Variants in ARPC1B observed in about 807,000 individuals in gnomAD.
ARPC1B encodes the protein actin-related protein 2/3 complex subunit 1B.
Under a neutral mutation model 46.0 loss-of-function variants are expected in ARPC1B, and 29 were observed. The ratio of observed to expected loss-of-function variants is 0.63; its 90% CI spans 0.47 to 0.86. ARPC1B has a LOEUF of 0.86. Ranked by LOEUF, ARPC1B falls within the 40% of genes least tolerant of loss-of-function variation. ARPC1B has a pLI of 0.00. For missense variants in ARPC1B, 469 were observed against 529.4 expected (o/e 0.89, Z 1.12); for synonymous variants, 201 against 213.9 (o/e 0.94, Z 0.53).
At chr7:99,386,613 C>T in intron 2 of ARPC1B, 72 bp from the exon 3 acceptor site, 1 of 1,140,798 alleles carries the variant, frequency 8.8e-7, no homozygotes, top group Admixed American at 1.7e-5. Flanking sequence ...TGCCTAGGTG[C>T]ACTGTGTAGT....
chr7:99,386,111 C>CGTG (rs1410347067), intron 2 of ARPC1B, among the ~76,000 whole-genome samples: 2 of 151,742 alleles, frequency 1.3e-5, no homozygotes, highest in Non-Finnish European at 2.9e-5. Context: ...ATTACCTGGG[C>CGTG]GTGGTGGTGG....
intron 5 of ARPC1B, among the ~76,000 whole-genome samples, chr7:99,390,532 A>G (rs989304472): frequency 1.3e-5 from 2 of 151,908 alleles, no homozygotes; most frequent in African/African-American, 4.8e-5. Context: ...GCATGCCACC[A>G]TGCCCGGCTA....
rs1794407854 is a variant in ARPC1B, at chr7:99,386,917, G to A, written c.169+128G>A. On this transcript the variant is annotated intron_variant, in intron 3 of 9. Coordinates refer to ENST00000646101, the MANE Select transcript of ARPC1B (RefSeq NM_005720.4). ...CACCGTGAAACCCGGATTCAAACTG[G>A]CTTCAATTTTAAGGGGACTGTGTTG... 6 of 725,006 alleles carry A rather than the reference G, an allele frequency of 8.3e-6. No homozygotes were observed. The South Asian group carries it at 1.0e-4, about 12-fold the overall frequency. The allele number at this position is 725,006 out of a possible 1,614,324, so 44.9% of individuals were successfully genotyped here. A position where few individuals can be genotyped will look rare whatever the true frequency, so the allele number is the denominator to read the frequency against.
chr7:99,383,809 C>T (rs879289296), intron 1 of ARPC1B, among the ~76,000 whole-genome samples: 7 of 152,170 alleles, frequency 4.6e-5, no homozygotes, highest in African/African-American at 1.4e-4. Flanking sequence ...GCTGGGGAGG[C>T]CTGCTCCTCA....
At chr7:99,383,685 C>T (rs188636389) in intron 1 of ARPC1B, among the ~76,000 whole-genome samples, 20 of 152,290 alleles carry the variant, frequency 1.3e-4, no homozygotes, top group Admixed American at 6.5e-4. Context: ...AGCACCAGAG[C>T]GAGAGCCGTG....
chr7:99,380,646 T>C (rs535207146), intron 1 of ARPC1B, among the ~76,000 whole-genome samples: 2 of 152,178 alleles, frequency 1.3e-5, no homozygotes, highest in Non-Finnish European at 2.9e-5. Context: ...CCTTGCCCAC[T>C]GGCACACGTG....
At chr7:99,377,155 T>G (rs1165575751) in intron 1 of ARPC1B, among the ~76,000 whole-genome samples, 1 of 152,026 alleles carries the variant, frequency 6.6e-6, no homozygotes, top group Non-Finnish European at 1.5e-5. Context: ...TGTTCCTCCA[T>G]GCCCAGCTAA....
chr7:99,387,044 C>T (rs1794412195), intron 3 of ARPC1B, among the ~76,000 whole-genome samples: 1 of 152,230 alleles, frequency 6.6e-6, no homozygotes, highest in African/African-American at 2.4e-5. Flanking sequence ...CTTGGCTTTG[C>T]CCTCCAGCAT....
intron 8 of ARPC1B, among the ~76,000 whole-genome samples, chr7:99,393,235 C>T (rs1794637393): frequency 6.6e-6 from 1 of 152,230 alleles, no homozygotes; most frequent in African/African-American, 2.4e-5. Context: ...TTGATCTCAC[C>T]ATAGCAGCCC....
At chr7:99,385,935 G>C (rs1015886328) in intron 2 of ARPC1B, among the ~76,000 whole-genome samples, 157 bp downstream of exon 2, 2 of 152,178 alleles carry the variant, frequency 1.3e-5, no homozygotes, top group African/African-American at 4.8e-5. Flanking sequence ...CAGCTGACCA[G>C]GGGCCTCCTG....
At chr7:99,391,347 CCCT>C in intron 7 of ARPC1B, 94 bp downstream of exon 7, 6 of 1,303,546 alleles carry the variant, frequency 4.6e-6, no homozygotes, top group Non-Finnish European at 5.4e-6. Context: ...TCTCCTGCCT[CCCT>C]CCTTTTTTTC....
At chr7:99,385,875 C>T (rs1035342401) in intron 2 of ARPC1B, 97 bp downstream of exon 2, 49 of 1,271,282 alleles carry the variant, frequency 3.9e-5, no homozygotes, top group African/African-American at 3.7e-4. Context: ...GCCAGGCCCC[C>T]GGACCATGGG....
intron 3 of ARPC1B, 150 bp downstream of exon 3, chr7:99,386,939 G>A (rs1794408380): frequency 1.6e-6 from 1 of 643,538 alleles, no homozygotes; most frequent in Non-Finnish European, 2.7e-6. Context: ...AGGGGACTGT[G>A]TTGGCTCATG....
Position 99,391,175 on chromosome 7 carries a change from C to A in ARPC1B, c.708-3C>A, listed in dbSNP as rs377169175. The A allele has an allele frequency of 3.1e-6, 5 of 1,613,852 alleles. No individual in the cohort carries two copies. Among genetic ancestry groups the A allele is most frequent in the Non-Finnish European group, 4.2e-6 (5 of 1,179,938 alleles). On this transcript the variant is annotated splice_polypyrimidine_tract_variant and splice_region_variant and intron_variant, in intron 6 of 9. Transcript: ENST00000646101. ...ACCGTGACTCACAGCTCTCTCCCCT[C>A]AGCGTCGCGACTCTGGCCTCTGAAA...
intron 1 of ARPC1B, among the ~76,000 whole-genome samples, chr7:99,381,610 ATG>A (rs953602267): frequency 1.3e-5 from 2 of 152,166 alleles, no homozygotes; most frequent in African/African-American, 4.8e-5. Context: ...ACACATGTGC[ATG>A]TGTGTGTGTC....
At chr7:99,383,347 G>A (rs368338444) in intron 1 of ARPC1B, among the ~76,000 whole-genome samples, 8 of 151,978 alleles carry the variant, frequency 5.3e-5, no homozygotes, top group Admixed American at 1.3e-4. Context: ...ACACACACAC[G>A]TTTCTGAGAA....
chr7:99,385,691 C>CT lies in ARPC1B; in HGVS notation c.-13-10dup. 6.2e-7 allele frequency: 1 copy of CT among 1,603,300 alleles called. No individual in the cohort carries two copies. Among genetic ancestry groups the CT allele is most frequent in the Non-Finnish European group, 8.5e-7 (1 of 1,176,734 alleles). ...GCTGACGTGGATTCTCTCTTCCTCT[C>CT]TCGGGCACAGGAGCCAAGCCGCCAT... On this transcript the variant is annotated splice_polypyrimidine_tract_variant and intron_variant, in intron 1 of 9. Transcript: ENST00000646101.
chr7:99,394,015 C>T lies in ARPC1B; in HGVS notation c.990-14C>T. On this transcript the variant is annotated splice_polypyrimidine_tract_variant and intron_variant, in intron 8 of 9. Coordinates refer to ENST00000646101, the MANE Select transcript of ARPC1B (RefSeq NM_005720.4). ...GCACAGGTTGAATTCATAAGCTCCT[C>T]TTCCTCTTTGCAGCCAGATCTCGGT... 1.2e-6 allele frequency: 2 copies of T among 1,611,936 alleles called. No individual in the cohort carries two copies. The highest frequency in any genetic ancestry group is 1.3e-5 in the African/African-American group (1 of 75,062).
In ARPC1B at chr7:99,380,890, C is replaced by A. The variant is rs530128540; in HGVS notation, c.-13-4812C>A. Among the ~76,000 whole-genome samples the A allele has an allele frequency of 8.5e-5, 13 of 152,302 alleles. 1 individual carries two copies. The South Asian group carries it at 2.3e-3, about 27-fold the overall frequency. On this transcript the variant is annotated intron_variant, in intron 1 of 9. Transcript: ENST00000646101. ...GCCTCAGCTGGAGTCCTGGGGCCAACCAGAGCCTGGGTGGAGTGTGAAAGT... is the reference window on the plus strand; with the variant it reads ...GCCTCAGCTGGAGTCCTGGGGCCAAACAGAGCCTGGGTGGAGTGTGAAAGT...
Sources: allele counts gnomAD v4.1 joint callset (sites outside exome capture counted in the v4.1 genomes callset), GRCh38; gene constraint gnomAD v4.1.1; transcripts MANE v1.5; gene names NCBI Gene and HGNC (gene_info 2026-07-23, HGNC 2026-07-21).